NRG3: variants seen among roughly 807,000 people sequenced by gnomAD.
The protein encoded by NRG3 is pro-neuregulin-3, membrane-bound isoform.
A neutral mutation model predicts 66.9 loss-of-function variants in NRG3; 31 were observed. The ratio of observed to expected loss-of-function variants is 0.46; its 90% CI spans 0.35 to 0.63. The LOEUF (loss-of-function observed/expected upper bound fraction) is 0.63, where lower values mean the gene tolerates loss of function less well. NRG3 is among the 20% of genes least tolerant of loss of function. NRG3 has a pLI of 0.00. For synonymous variants in NRG3, 393 were observed against 359.4 expected, an observed-to-expected ratio of 1.09 and a Z score of -1.06; for missense variants, 910 against 878.9, an observed-to-expected ratio of 1.04 and a Z score of -0.45.
intron 1 of NRG3, among the ~76,000 whole-genome samples, chr10:82,262,563 C>T (rs373122496): frequency 8.5e-5 from 13 of 152,202 alleles, no homozygotes; most frequent in African/African-American, 2.4e-4. Flanking sequence ...AGCCTTAGTA[C>T]TGCTCTGTTC....
At chr10:82,543,475 A>G (rs545995031) in intron 2 of NRG3, among the ~76,000 whole-genome samples, 11 of 152,280 alleles carry the variant, frequency 7.2e-5, no homozygotes, top group African/African-American at 1.9e-4. Flanking sequence ...CCATGTATCT[A>G]TCCACCAATG....
rs1297536511 is a variant in NRG3 at position 81,929,540 on chromosome 10, AT to A, written c.823+53384del. Among the ~76,000 whole-genome samples the A allele has an allele frequency of 3.3e-5, 5 of 152,052 alleles. No homozygotes were observed. In the Middle Eastern group the frequency reaches 0.014, roughly 417 times the overall value. ...ATGATGGGTTGGGTGACTGAAACAC[AT>A]TTTTTTCTTTTAGGTGATAACCAGC... On this transcript the variant is annotated intron_variant, in intron 1 of 8. Coordinates refer to ENST00000372141, the MANE Select transcript of NRG3 (RefSeq NM_001010848.4).
intron 2 of NRG3, among the ~76,000 whole-genome samples, chr10:82,534,830 C>T (rs1043454027): frequency 6.6e-6 from 1 of 151,846 alleles, no homozygotes; most frequent in Non-Finnish European, 1.5e-5. Flanking sequence ...AAAGGATAGT[C>T]TCTTCAAATG....
At chr10:81,989,427 C>T (rs114514994) in intron 1 of NRG3, among the ~76,000 whole-genome samples, 2,196 of 151,602 alleles carry the variant, frequency 0.014, 50 homozygotes, top group African/African-American at 0.05. Context: ...TTAAGAAACT[C>T]GACAGAGAAA....
At chr10:82,774,494 G>T (rs750978371) in intron 3 of NRG3, among the ~76,000 whole-genome samples, 1 of 151,832 alleles carries the variant, frequency 6.6e-6, no homozygotes, top group Admixed American at 6.6e-5. Context: ...ATTCAATCTT[G>T]GTAGGCTGTA....
Position 82,642,697 on chromosome 10 carries a change from TTAAA to T in NRG3, c.954-95875_954-95872del, listed in dbSNP as rs1590988640. Among the ~76,000 whole-genome samples the T allele has an allele frequency of 3.3e-5, 5 of 152,094 alleles. No individual in the cohort carries two copies. In the East Asian group the frequency reaches 9.7e-4, roughly 29 times the overall value. The stretch of plus-strand genomic sequence containing the variant: ...AGGAAACCTACAGGGTAAAAGAAAC[TTAAA>T]TAAAAATATCAAACAATTGTGAAAT... On this transcript the variant is annotated intron_variant, in intron 2 of 8. Coordinates refer to ENST00000372141, the MANE Select transcript of NRG3 (RefSeq NM_001010848.4).
At chr10:82,381,083 G>T (rs2085584857) in intron 2 of NRG3, among the ~76,000 whole-genome samples, 1 of 151,996 alleles carries the variant, frequency 6.6e-6, no homozygotes, top group African/African-American at 2.4e-5. Flanking sequence ...CAGACAAAAT[G>T]GAATATTGTA....
intron 1 of NRG3, among the ~76,000 whole-genome samples, chr10:82,106,754 C>T (rs932910365): frequency 6.6e-6 from 1 of 152,088 alleles, no homozygotes; most frequent in African/African-American, 2.4e-5. Flanking sequence ...GATCCGCCTG[C>T]CTCGGCCTCC....
At chr10:82,568,825 A>G (rs1226657841) in intron 2 of NRG3, among the ~76,000 whole-genome samples, 5 of 151,782 alleles carry the variant, frequency 3.3e-5, no homozygotes, top group Admixed American at 6.6e-5. Context: ...ATTCCTGTTT[A>G]TATGTTATAC....
chr10:82,250,748 A>G (rs2077448135), intron 1 of NRG3, among the ~76,000 whole-genome samples: 1 of 152,160 alleles, frequency 6.6e-6, no homozygotes, highest in Admixed American at 6.5e-5. Context: ...TGATCATTTA[A>G]TTGTCCAGAC....
intron 1 of NRG3, among the ~76,000 whole-genome samples, chr10:82,286,690 C>T (rs1218068004): frequency 3.3e-5 from 5 of 152,120 alleles, no homozygotes; most frequent in South Asian, 2.1e-4. Context: ...CAGGTTCAAG[C>T]GATTCTTCTG....
chr10:82,546,442 G>A (rs566583293), intron 2 of NRG3, among the ~76,000 whole-genome samples: 1 of 152,166 alleles, frequency 6.6e-6, no homozygotes, highest in African/African-American at 2.4e-5. Context: ...AACAAGCTGT[G>A]TGATTTTGTA....
intron 2 of NRG3, among the ~76,000 whole-genome samples, chr10:82,544,021 G>A (rs191395477): frequency 6.6e-6 from 1 of 152,212 alleles, no homozygotes; most frequent in Non-Finnish European, 1.5e-5. Flanking sequence ...TTTTTGCCTT[G>A]GTTTTGTCAG....
intron 1 of NRG3, among the ~76,000 whole-genome samples, chr10:82,291,138 T>C (rs991182748): frequency 5.3e-5 from 8 of 151,134 alleles, no homozygotes; most frequent in African/African-American, 1.9e-4. Context: ...AGCAAGGTTG[T>C]AGAGTACAAG....
chr10:82,774,934 T>G (rs888313196), intron 3 of NRG3, among the ~76,000 whole-genome samples: 1 of 150,784 alleles, frequency 6.6e-6, no homozygotes, highest in Non-Finnish European at 1.5e-5. Context: ...GCGATTCTTG[T>G]GCATGCCTCA....
chr10:82,262,336 T>G (rs74611359), intron 1 of NRG3, among the ~76,000 whole-genome samples: 5,271 of 152,208 alleles, frequency 0.035, 118 homozygotes, highest in Middle Eastern at 0.082. Flanking sequence ...TTTGGGACCT[T>G]AAAGTATTCA....
In NRG3 at chr10:81,983,555, C is replaced by CT. The variant is rs542426438; in HGVS notation, c.823+107399dup. ...GGATGAATGTTGATATATTGGTTCT[C>CT]TTTTTTTATAATTTCTTGTATGACA... On this transcript the variant is annotated intron_variant, in intron 1 of 8. Coordinates refer to ENST00000372141, the MANE Select transcript of NRG3 (RefSeq NM_001010848.4). Among the ~76,000 whole-genome samples the CT allele has an allele frequency of 8.5e-4, 129 of 152,258 alleles. 1 individual carries two copies. Among genetic ancestry groups the CT allele is most frequent in the Non-Finnish European group, 1.5e-3 (104 of 68,012 alleles).
chr10:82,225,369 A>G (rs1432570478), intron 1 of NRG3: 1 of 152,214 alleles, frequency 6.6e-6, no homozygotes, highest in Non-Finnish European at 1.5e-5. Context: ...ATAGACTCTA[A>G]GTATAAATTA....
intron 2 of NRG3, among the ~76,000 whole-genome samples, chr10:82,707,018 A>ATATATATATAT (rs2056344007): frequency 9.9e-5 from 14 of 141,330 alleles, no homozygotes; most frequent in African/African-American, 3.7e-4. Flanking sequence ...AAATAAAATA[A>ATATATATATAT]ATATATATAT....
Sources: gnomAD v4.1 joint callset for allele counts (sites outside exome capture counted in the v4.1 genomes callset) on GRCh38, gnomAD v4.1.1 for gene constraint, MANE v1.5 for transcripts, NCBI Gene and HGNC (gene_info 2026-07-23, HGNC 2026-07-21) for gene names.